Variants in CRYBG3 observed in about 807,000 individuals in gnomAD.
CRYBG3 encodes the protein very large A-kinase anchor protein.
A neutral mutation model predicts 244.2 loss-of-function variants in CRYBG3; 127 were observed. That is an observed-to-expected ratio of 0.52 (90% CI 0.45 to 0.60). The LOEUF is 0.60. CRYBG3 is among the 20% of genes least tolerant of loss of function. The pLI, the probability that CRYBG3 is intolerant of heterozygous loss-of-function variation, is 0.00. For missense variants in CRYBG3, 3,325 were observed against 3,442.5 expected (o/e 0.97, Z 0.85); for synonymous variants, 1,132 against 1,195.8 (o/e 0.95, Z 1.10).
chr3:97,828,457 A>G (rs186277206), intron 1 of CRYBG3, among the ~76,000 whole-genome samples: 1 of 151,566 alleles, frequency 6.6e-6, no homozygotes, highest in East Asian at 2.0e-4. Flanking sequence ...GTGAAATATG[A>G]TGTATCTACC....
At chr3:97,879,836 T>G (rs1315915169) in intron 5 of CRYBG3, 88 bp downstream of exon 5, 1 of 1,015,192 alleles carries the variant, frequency 9.9e-7, no homozygotes, top group Non-Finnish European at 1.5e-6. Flanking sequence ...ACTTAGATAA[T>G]GATTTTATTC....
In CRYBG3 at chr3:97,933,842, G is replaced by A. The variant is rs746820225; in HGVS notation, c.8381+9G>A. ...TGGGTAAAAAGTGGACTGTAAGTAT[G>A]GGAAAAAGGCTTGGTCTGGTTCAGT... On this transcript the variant is annotated intron_variant, in intron 18 of 21. Coordinates refer to ENST00000389622, the MANE Select transcript of CRYBG3 (RefSeq NM_153605.4). 1.9e-6 allele frequency: 3 copies of A among 1,609,094 alleles called. No individual in the cohort carries two copies. In the Admixed American group the frequency reaches 5.1e-5, roughly 27 times the overall value.
intron 16 of CRYBG3, among the ~76,000 whole-genome samples, chr3:97,913,455 A>G (rs2039895943): frequency 6.6e-6 from 1 of 152,252 alleles, no homozygotes; most frequent in Non-Finnish European, 1.5e-5. Flanking sequence ...GATGTAGCAC[A>G]AAAGCAGCCA....
intron 12 of CRYBG3, among the ~76,000 whole-genome samples, chr3:97,896,745 C>T (rs748847996): frequency 1.3e-5 from 2 of 152,170 alleles, no homozygotes; most frequent in Non-Finnish European, 2.9e-5. Flanking sequence ...GTGCTACTGA[C>T]ATCTAGAGGG....
chr3:97,857,024 G>A (rs530164647), intron 2 of CRYBG3, among the ~76,000 whole-genome samples: 1 of 151,824 alleles, frequency 6.6e-6, no homozygotes, highest in Non-Finnish European at 1.5e-5. Flanking sequence ...GATGTTTGTT[G>A]CTATCAGTTT....
chr3:97,917,797 C>T (rs1267775174), intron 17 of CRYBG3, among the ~76,000 whole-genome samples: 1 of 152,012 alleles, frequency 6.6e-6, no homozygotes, highest in African/African-American at 2.4e-5. Flanking sequence ...AAGGTAGATA[C>T]CTTGAGATTA....
Position 97,879,765 on chromosome 3 carries a change from C to A in CRYBG3, c.6888+17C>A. 1 of 1,580,278 alleles carries A rather than the reference C, an allele frequency of 6.3e-7. No individual in the cohort carries two copies. The highest frequency in any genetic ancestry group is 1.1e-5 in the South Asian group (1 of 87,242). ...CCTGGGAAGGTAAGGATAACTTTCT[C>A]AAACTAAGATAAAGGTTAAACATTA... is the stretch of plus-strand genomic sequence containing the variant. On this transcript the variant is annotated intron_variant, in intron 5 of 21. Transcript: ENST00000389622.
intron 16 of CRYBG3, 32 bp downstream of exon 16, chr3:97,912,308 TA>T: frequency 8.9e-7 from 1 of 1,124,408 alleles, no homozygotes; most frequent in Non-Finnish European, 1.3e-6. Context: ...TTTCTGCTGT[TA>T]TTTAATAACT....
chr3:97,926,010 C>G (rs1199375001), intron 17 of CRYBG3, among the ~76,000 whole-genome samples: 1 of 151,976 alleles, frequency 6.6e-6, no homozygotes, highest in East Asian at 1.9e-4. Flanking sequence ...CAAGTCCTGA[C>G]TCTACCATTA....
Position 97,877,737 on chromosome 3 carries a change from A to G in CRYBG3, c.6543A>G (p.Thr2181=). 6.2e-7 allele frequency: 1 copy of G among 1,614,020 alleles called. No individual in the cohort carries two copies. ...TCCAGTTGCCAGATCCTTCCATCACATTTTACCCTGATGACCAGGAGAGCG... is the reference window on the plus strand; with the variant it reads ...TCCAGTTGCCAGATCCTTCCATCACGTTTTACCCTGATGACCAGGAGAGCG... ...VTFQLPDPSI[T]FYPDDQESVG... is the part of the protein sequence containing the mutation. Residue 2181 remains threonine (T), a synonymous_variant, in exon 4 of 22, where the codon ACA becomes ACG. Coordinates refer to ENST00000389622, the MANE Select transcript of CRYBG3 (RefSeq NM_153605.4).
Position 97,878,003 on chromosome 3 carries a change from A to C in CRYBG3, c.6809A>C (p.Gln2270Pro), listed in dbSNP as rs368806699. ...CCAGTGTCAAAATATTTCCGTGTTCAAGACAGCCCAGGCAGATTGAGCCCA... is the reference window on the plus strand; with the variant it reads ...CCAGTGTCAAAATATTTCCGTGTTCCAGACAGCCCAGGCAGATTGAGCCCA... ...QEPVSKYFRVQDSPGRLSPFI... is the reference protein window; with the variant it reads ...QEPVSKYFRVPDSPGRLSPFI... Residue 2270 changes from glutamine (Q) to proline (P), a missense_variant, in exon 4 of 22, where the codon CAA becomes CCA. Coordinates refer to ENST00000389622, the MANE Select transcript of CRYBG3 (RefSeq NM_153605.4). The C allele has an allele frequency of 6.2e-7, 1 of 1,613,758 alleles. No homozygotes were observed. Among genetic ancestry groups the C allele is most frequent in the African/African-American group, 1.3e-5 (1 of 74,926 alleles).
rs971920705 is a variant in CRYBG3, at chr3:97,877,085, G to A, written c.5891G>A (p.Arg1964Lys). The change falls in exon 4 of 22, where the codon AGA becomes AAA. Residue 1964 changes from arginine (R) to lysine (K), a missense_variant. Arg to Lys is a conservative substitution (Grantham distance 26). Coordinates refer to ENST00000389622, the MANE Select transcript of CRYBG3 (RefSeq NM_153605.4). ...PGDTTVRLDKRMSLTAIYDKR... is the reference protein window; with the variant it reads ...PGDTTVRLDKKMSLTAIYDKR... Reference sequence around the variant, plus strand: ...GATACCACAGTAAGACTAGACAAAAGAATGTCTCTTACTGCAATATATGAC... The same window carrying A: ...GATACCACAGTAAGACTAGACAAAAAAATGTCTCTTACTGCAATATATGAC... 1 of 1,611,554 alleles carries A rather than the reference G, an allele frequency of 6.2e-7. No individual in the cohort carries two copies. The highest frequency in any genetic ancestry group is 1.7e-4 in the Middle Eastern group (1 of 6,008).
At chr3:97,829,846 A>G (rs2038631288) in intron 1 of CRYBG3, among the ~76,000 whole-genome samples, 1 of 152,150 alleles carries the variant, frequency 6.6e-6, no homozygotes, top group South Asian at 2.1e-4. Context: ...ATAAGTACCA[A>G]GGTAACATGT....
intron 2 of CRYBG3, among the ~76,000 whole-genome samples, chr3:97,849,085 A>G (rs2108180577): frequency 6.6e-6 from 1 of 152,304 alleles, no homozygotes; most frequent in African/African-American, 2.4e-5. Flanking sequence ...AACTTTGGGA[A>G]ATTTATTTAA....
intron 12 of CRYBG3, among the ~76,000 whole-genome samples, chr3:97,897,936 TTGGGC>T (rs2039657815): frequency 6.6e-6 from 1 of 152,164 alleles, no homozygotes; most frequent in Non-Finnish European, 1.5e-5. Flanking sequence ...AATGAAAGTT[TTGGGC>T]TGGGCACGGT....
At chr3:97,829,826 C>A (rs1488273881) in intron 1 of CRYBG3, among the ~76,000 whole-genome samples, 1 of 152,190 alleles carries the variant, frequency 6.6e-6, no homozygotes, top group African/African-American at 2.4e-5. Flanking sequence ...AATCTTTCTT[C>A]TCTCTTGAAA....
At chr3:97,868,972 G>A (rs939133560) in intron 3 of CRYBG3, among the ~76,000 whole-genome samples, 2 of 151,418 alleles carry the variant, frequency 1.3e-5, no homozygotes, top group African/African-American at 4.9e-5. Flanking sequence ...GTAGCCTGTT[G>A]ACAGTAGGTT....
In CRYBG3 at chr3:97,864,231, G is replaced by A. The variant is rs1352039427; in HGVS notation, c.231G>A (p.Glu77=). The A allele has an allele frequency of 3.3e-6, 5 of 1,496,178 alleles. No individual in the cohort carries two copies. The highest frequency in any genetic ancestry group is 4.4e-6 in the Non-Finnish European group (5 of 1,132,682). 92.7% of individuals were successfully genotyped at this position (1,496,178 alleles called of 1,614,324 possible). The change falls in exon 3 of 22, where the codon GAG becomes GAA. Residue 77 remains glutamate, a synonymous_variant. Transcript: ENST00000389622. ...SSEAVKIRQS[E]DKRNHAEKPV... ...TGTTTTCAAAGATTCGCCAAAGTGA[G>A]GACAAAAGGAACCATGCTGAGAAGC...
At chr3:97,837,173 C>G (rs936089697) in intron 1 of CRYBG3, 2 of 152,136 alleles carry the variant, frequency 1.3e-5, no homozygotes, top group South Asian at 4.1e-4. Context: ...AAGATCTCAT[C>G]TTGTTCTGCA....
Sources: allele counts gnomAD v4.1 joint callset (sites outside exome capture counted in the v4.1 genomes callset), GRCh38; gene constraint gnomAD v4.1.1; transcripts MANE v1.5; gene names NCBI Gene and HGNC (gene_info 2026-07-23, HGNC 2026-07-21).